The following KIF3C variants were observed in gnomAD, a reference collection of about 807,000 sequenced individuals.
KIF3C encodes the protein kinesin family member 3C.
KIF3C carries 12 observed loss-of-function variants against 67.7 expected under a neutral mutation model. The observed-to-expected ratio is 0.18, with a 90% CI of 0.11 to 0.29. The LOEUF (loss-of-function observed/expected upper bound fraction) is 0.29, where lower values mean the gene tolerates loss of function less well. KIF3C is among the 10% of genes least tolerant of loss of function. The pLI, the probability that KIF3C is intolerant of heterozygous loss-of-function variation, is 1.00. For missense variants in KIF3C, 789 were observed against 1,059.6 expected (o/e 0.74, Z 3.55); for synonymous variants, 393 against 426.2 (o/e 0.92, Z 0.96).
In KIF3C at chr2:25,928,877, A is replaced by G. The variant is rs2090433111; in HGVS notation, c.*101T>C. ...CACCCCTGCACACACGCACACGCACATGCACGCACACGCACACGCACCAAG... is the reference window on the plus strand; with the variant it reads ...CACCCCTGCACACACGCACACGCACGTGCACGCACACGCACACGCACCAAG... On this transcript the variant is annotated 3_prime_UTR_variant, in exon 8 of 8. Coordinates refer to ENST00000264712, the MANE Select transcript of KIF3C (RefSeq NM_002254.8). 6 of 914,580 alleles carry G rather than the reference A, an allele frequency of 6.6e-6. No homozygotes were observed. Among genetic ancestry groups the G allele is most frequent in the Non-Finnish European group, 1.0e-5 (6 of 582,572 alleles). The allele number at this position is 914,580 out of a possible 1,614,324, so 56.7% of individuals were successfully genotyped here. A position where few individuals can be genotyped will look rare whatever the true frequency, so the allele number is the denominator to read the frequency against.
At position 25,955,168 on chromosome 2, in the gene KIF3C, G is replaced by C. The variant is rs576154625; in HGVS notation, c.1770+373C>G. Among the ~76,000 whole-genome samples, 1 of 152,088 alleles carries C rather than the reference G, an allele frequency of 6.6e-6. No individual in the cohort carries two copies. The highest frequency in any genetic ancestry group is 1.5e-5 in the Non-Finnish European group (1 of 67,976). On this transcript the variant is annotated intron_variant, in intron 3 of 7. Coordinates refer to ENST00000264712, the MANE Select transcript of KIF3C (RefSeq NM_002254.8). This position sits in a 1 kb window ranked among gnomAD's most constrained non-coding sequence, Gnocchi z 5.0. ...CTTACACTCCCCACCTGAGCTTCCC[G>C]GGGTTCCAGTCTCCTCCTCAGCCTC...
At chr2:25,972,385 CTT>C (rs1357743503) in intron 1 of KIF3C, among the ~76,000 whole-genome samples, 9 of 152,164 alleles carry the variant, frequency 5.9e-5, no homozygotes, top group Admixed American at 4.6e-4. Context: ...CTAGTCAAAT[CTT>C]TGTGTTACAA....
chr2:25,938,430 T>C, intron 5 of KIF3C: 6 of 364,146 alleles, frequency 1.6e-5, no homozygotes, highest in South Asian at 1.2e-4. Flanking sequence ...AGGGTGGGGG[T>C]TCCCCCCAAG....
At chr2:25,968,942 G>A (rs746506874) in intron 1 of KIF3C, among the ~76,000 whole-genome samples, 29 of 151,930 alleles carry the variant, frequency 1.9e-4, no homozygotes, top group Non-Finnish European at 2.4e-4. Context: ...TCCTGCCTCA[G>A]CCTCCTGAGT....
Position 25,981,071 on chromosome 2 carries a change from C to T in KIF3C, c.847G>A (p.Gly283Ser), listed in dbSNP as rs1574501377. The change falls in exon 1 of 8, where the codon GGT becomes AGT. Residue 283 changes from glycine (G) to serine (S), a missense_variant. Physicochemically the swap from Gly to Ser is moderately conservative, Grantham distance 56 (BLOSUM62 0). This residue lies in a region of KIF3C where 648 missense variants were observed against 807.8 expected (regional missense o/e 0.80). Coordinates refer to ENST00000264712, the MANE Select transcript of KIF3C (RefSeq NM_002254.8). This position sits in a 1 kb window ranked among gnomAD's most constrained non-coding sequence, Gnocchi z 8.2. ...GAGGCTTCCTTAGGCCTCTCTCCAC[C>T]AGCACCACCACCACTGCCTCCACCG... is the stretch of plus-strand genomic sequence containing the variant. ...GGGGGSGGGA[G>S]GERPKEASKI... is the part of the protein sequence containing the mutation. 3.1e-6 allele frequency: 5 copies of T among 1,614,042 alleles called. No homozygotes were observed. The highest frequency in any genetic ancestry group is 2.7e-5 in the African/African-American group (2 of 74,932).
Position 25,929,417 on chromosome 2 carries a change from A to C in KIF3C, c.2176T>G (p.Phe726Val). The change falls in exon 7 of 8, where the codon TTC (phenylalanine) becomes GTC (valine). Residue 726 changes from phenylalanine (F) to valine (V), a missense_variant. Physicochemically the swap from Phe to Val is conservative, Grantham distance 50. Transcript: ENST00000264712. Reference protein sequence around the residue: ...VSPPAVFEMEFSHDQEQDPRA... With the variant: ...VSPPAVFEMEVSHDQEQDPRA... Reference sequence around the variant, plus strand: ...GGGTCTTGTTCTTGGTCGTGAGAGAATTCCATCTCAAAGACAGCTGGAGGG... The same window carrying C: ...GGGTCTTGTTCTTGGTCGTGAGAGACTTCCATCTCAAAGACAGCTGGAGGG... The C allele has an allele frequency of 1.2e-6, 2 of 1,614,040 alleles. No individual in the cohort carries two copies.
chr2:25,952,591 C>G (rs980894812), intron 4 of KIF3C, among the ~76,000 whole-genome samples: 5 of 145,728 alleles, frequency 3.4e-5, no homozygotes, highest in Admixed American at 7.1e-5. Flanking sequence ...CAGTTTTGCA[C>G]TTGTTGCTCA....
chr2:25,934,206 G>A (rs1178940262), intron 5 of KIF3C: 1 of 469,636 alleles, frequency 2.1e-6, no homozygotes, highest in Admixed American at 2.4e-5. Flanking sequence ...CAGTTGTCTA[G>A]GTCTGGGGAA....
intron 5 of KIF3C, among the ~76,000 whole-genome samples, chr2:25,930,421 C>T (rs2090449666): frequency 6.6e-6 from 1 of 152,206 alleles, no homozygotes; most frequent in Non-Finnish European, 1.5e-5. Flanking sequence ...TGCAGTGGCA[C>T]AATCTCAGCT....
In KIF3C at chr2:25,982,453, C is replaced by T. The variant is rs1221106156; in HGVS notation, c.-536G>A. On this transcript the variant is annotated 5_prime_UTR_variant, in exon 1 of 8. Transcript: ENST00000264712. Reference sequence around the variant, plus strand: ...CCAGCGCGGCTGCTGCTGCCTCTGCCTCCGCCTTCCCCGCCGCCGCCACTG... The same window carrying T: ...CCAGCGCGGCTGCTGCTGCCTCTGCTTCCGCCTTCCCCGCCGCCGCCACTG... The T allele has an allele frequency of 1.0e-5, 4 of 398,634 alleles. No homozygotes were observed. Among genetic ancestry groups the T allele is most frequent in the Non-Finnish European group, 1.8e-5 (4 of 226,200 alleles). The allele number at this position is 398,634 out of a possible 1,614,324, so 24.7% of individuals were successfully genotyped here.
At chr2:25,937,452 C>G (rs551744010) in intron 5 of KIF3C, among the ~76,000 whole-genome samples, 17 of 151,886 alleles carry the variant, frequency 1.1e-4, no homozygotes, top group African/African-American at 4.1e-4. Flanking sequence ...GCTGAGCTTA[C>G]AGGATGCCGG....
chr2:25,941,848 C>CT (rs141805348), intron 5 of KIF3C, among the ~76,000 whole-genome samples: 109,104 of 151,226 alleles, frequency 0.72, 41,222 homozygotes, highest in Non-Finnish European at 0.84. Flanking sequence ...CCACTGCACT[C>CT]ACTGGGCAAC....
At chr2:25,969,576 C>T (rs2149241363) in intron 1 of KIF3C, among the ~76,000 whole-genome samples, 1 of 152,140 alleles carries the variant, frequency 6.6e-6, no homozygotes, top group South Asian at 2.1e-4. Context: ...ATAAAAATTC[C>T]CCTCCATATT....
chr2:25,981,966 G>C lies in KIF3C; in HGVS notation c.-49C>G, dbSNP rs375501412. 3 of 1,455,672 alleles carry C rather than the reference G, an allele frequency of 2.1e-6. No individual in the cohort carries two copies. The African/African-American group carries it at 4.2e-5, about 21-fold the overall frequency. The allele number at this position is 1,455,672 out of a possible 1,614,324, so 90.2% of individuals were successfully genotyped here. A position where few individuals can be genotyped will look rare whatever the true frequency, so the allele number is the denominator to read the frequency against. On this transcript the variant is annotated 5_prime_UTR_variant, in exon 1 of 8. Transcript: ENST00000264712. This position sits in a 1 kb window ranked among gnomAD's most constrained non-coding sequence, Gnocchi z 8.2. ...CCCGAGCCCCTCCGCAGCCTGGGCG[G>C]TCCTGCTATCCTGCTCGCTAGGTCG...
rs2090428365 is a variant in KIF3C, at chr2:25,928,306, C to A, written c.*672G>T. The stretch of plus-strand genomic sequence containing the variant: ...AATTGCTTGGTCCACAGTTCCCATC[C>A]AAGGTGGGCAGAAAGCAGAGTTTGG... On this transcript the variant is annotated 3_prime_UTR_variant, in exon 8 of 8. Transcript: ENST00000264712. 1 of 152,202 alleles carries A rather than the reference C, an allele frequency of 6.6e-6. No homozygotes were observed. The highest frequency in any genetic ancestry group is 2.4e-5 in the African/African-American group (1 of 41,444). The allele number at this position is 152,202 out of a possible 1,614,324, so 9.4% of individuals were successfully genotyped here.
At chr2:25,944,575 G>T (rs558292252) in intron 5 of KIF3C, among the ~76,000 whole-genome samples, 1 of 151,896 alleles carries the variant, frequency 6.6e-6, no homozygotes, top group South Asian at 2.1e-4. Context: ...GGTTTCAAAT[G>T]CCTAGGCTCA....
intron 1 of KIF3C, among the ~76,000 whole-genome samples, chr2:25,978,129 T>C (rs971191791): frequency 4.6e-5 from 7 of 152,118 alleles, no homozygotes; most frequent in African/African-American, 1.4e-4. Flanking sequence ...TGAGCAAACA[T>C]GGAGGAATCT....
rs368483822 is a variant in KIF3C, at chr2:25,981,104, C to T, written c.814G>A (p.Gly272Ser). 3.2e-5 allele frequency: 51 copies of T among 1,614,070 alleles called. No individual in the cohort carries two copies. The highest frequency in any genetic ancestry group is 4.0e-5 in the Non-Finnish European group (47 of 1,180,040). The change falls in exon 1 of 8, where the codon GGT (glycine) becomes AGT (serine). Residue 272 changes from glycine to serine, a missense_variant. Physicochemically the swap from Gly to Ser is moderately conservative, Grantham distance 56. Transcript: ENST00000264712. The surrounding 1 kb of genome is among the most constrained non-coding windows in gnomAD (Gnocchi z 8.2). Reference protein sequence around the residue: ...GGAATPSSGGGGGGGGSGGGA... With the variant: ...GGAATPSSGGSGGGGGSGGGA... The stretch of plus-strand genomic sequence containing the variant: ...CCACCACTGCCTCCACCGCCACCAC[C>T]GCCACCCGAGGATGGTGTGGCTGCC...
In KIF3C at chr2:25,955,806, A is replaced by C; in HGVS notation, c.1648-143T>G. On this transcript the variant is annotated intron_variant, in intron 2 of 7. Coordinates refer to ENST00000264712, the MANE Select transcript of KIF3C (RefSeq NM_002254.8). The surrounding 1 kb of genome is among the most constrained non-coding windows in gnomAD (Gnocchi z 5.0). The stretch of plus-strand genomic sequence containing the variant: ...GGCCCACATCCACTGCTCCCACCCA[A>C]TCCTGCAGAGCCCCTGGGAACCCTC... 1.1e-5 allele frequency: 10 copies of C among 903,380 alleles called. No individual in the cohort carries two copies. Among genetic ancestry groups the C allele is most frequent in the Non-Finnish European group, 1.7e-5 (10 of 603,680 alleles). 56.0% of individuals were successfully genotyped at this position (903,380 alleles called of 1,614,324 possible).
Sources: gnomAD v4.1 joint callset for allele counts (sites outside exome capture counted in the v4.1 genomes callset) on GRCh38, gnomAD v4.1.1 for gene constraint, gnomAD v4.1.1 regional missense constraint, Gnocchi (gnomAD v3.1) non-coding constraint, MANE v1.5 for transcripts, NCBI Gene and HGNC (gene_info 2026-07-23, HGNC 2026-07-21) for gene names.